Variants in EPG5 observed in about 807,000 individuals in gnomAD.
EPG5 encodes ectopic P-granules 5 autophagy tethering factor, also known as ectopic P granules protein 5 homolog.
EPG5 carries 159 observed loss-of-function variants against 302.7 expected under a neutral mutation model. The ratio of observed to expected loss-of-function variants is 0.53; its 90% CI spans 0.46 to 0.60. The LOEUF is 0.60. EPG5 is among the 20% of genes least tolerant of loss of function. The pLI, the probability that EPG5 is intolerant of heterozygous loss-of-function variation, is 0.00. For synonymous variants in EPG5, 1,158 were observed against 1,136.8 expected (o/e 1.02, Z -0.37); for missense variants, 2,896 against 3,092.4 (o/e 0.94, Z 1.51).
the EPG5 span, among the ~76,000 whole-genome samples, chr18:45,802,114 G>A: frequency 6.6e-6 from 1 of 152,128 alleles, no homozygotes; most frequent in South Asian, 2.1e-4. Context: ...TTGGTGGAGT[G>A]CTGATGTGAT....
chr18:45,835,999 A>G, the EPG5 span, among the ~76,000 whole-genome samples: 1 of 152,206 alleles, frequency 6.6e-6, no homozygotes, highest in Admixed American at 6.5e-5. Context: ...ACCAGAGAAC[A>G]ATGGCGGTCC....
In EPG5 at chr18:45,868,391, G is replaced by A. The variant is rs187007558; in HGVS notation, c.6226-643C>T. The stretch of plus-strand genomic sequence containing the variant: ...TCACTCTTGTTACCCAGATTGGAAC[G>A]CAATGGCACGATCTTGGCTCAACGC... On this transcript the variant is annotated intron_variant, in intron 36 of 43. Coordinates refer to ENST00000282041, the MANE Select transcript of EPG5 (RefSeq NM_020964.3). Among the ~76,000 whole-genome samples the A allele has an allele frequency of 1.7e-4, 25 of 148,306 alleles. No individual in the cohort carries two copies. In the East Asian group the frequency reaches 4.8e-3, roughly 28 times the overall value.
intron 31 of EPG5, among the ~76,000 whole-genome samples, chr18:45,880,974 A>G (rs1425263028): frequency 1.3e-5 from 2 of 152,164 alleles, no homozygotes; most frequent in Non-Finnish European, 2.9e-5. Context: ...CCCAAAATTA[A>G]GCTATCACTG....
Position 45,852,632 on chromosome 18 carries a change from T to C in EPG5, c.7575A>G (p.Glu2525=). 6.2e-7 allele frequency: 1 copy of C among 1,614,064 alleles called. No individual in the cohort carries two copies. Among genetic ancestry groups the C allele is most frequent in the East Asian group, 2.2e-5 (1 of 44,884 alleles). Residue 2525 remains glutamate (E), a synonymous_variant, in exon 44 of 44, where the codon GAA becomes GAG. Transcript: ENST00000282041. ...CATACTGCTTACTTGATGCCATGGA[T>C]TCAAGAGCATTCAGAGCCTAAAAGA... ...PKAQQALNAL[E]SMASSKQYVE...
intron 29 of EPG5, among the ~76,000 whole-genome samples, chr18:45,886,504 T>C (rs1351078198): frequency 6.6e-6 from 1 of 152,248 alleles, no homozygotes; most frequent in African/African-American, 2.4e-5. Flanking sequence ...TGTAGAAATA[T>C]GTTTACATAT....
At chr18:45,935,174 C>T (rs1275726571) in intron 10 of EPG5, among the ~76,000 whole-genome samples, 1 of 152,212 alleles carries the variant, frequency 6.6e-6, no homozygotes. Flanking sequence ...CTAACCACAA[C>T]AATGTGTGCA....
At chr18:45,821,827 A>G in the EPG5 span, among the ~76,000 whole-genome samples, 1 of 152,364 alleles carries the variant, frequency 6.6e-6, no homozygotes, top group East Asian at 1.9e-4. Flanking sequence ...AAAGGAAGAC[A>G]TACAAATGGC....
intron 22 of EPG5, 107 bp downstream of exon 22, chr18:45,912,183 C>A (rs2049920791): frequency 1.9e-6 from 2 of 1,067,474 alleles, no homozygotes; most frequent in Admixed American, 3.0e-5. Context: ...CCAGAGATCA[C>A]CAAAGAATGA....
chr18:45,801,671 C>A, the EPG5 span, among the ~76,000 whole-genome samples: 3 of 152,170 alleles, frequency 2.0e-5, no homozygotes, highest in Non-Finnish European at 4.4e-5. Context: ...CTTTCCCAGT[C>A]TTTAATCCCC....
intron 10 of EPG5, among the ~76,000 whole-genome samples, chr18:45,935,431 A>G (rs1395979023): frequency 6.6e-6 from 1 of 152,198 alleles, no homozygotes; most frequent in Non-Finnish European, 1.5e-5. Flanking sequence ...AATTCCAGCT[A>G]CTTGGGAGGC....
At chr18:45,815,290 A>G in the EPG5 span, among the ~76,000 whole-genome samples, 1 of 152,088 alleles carries the variant, frequency 6.6e-6, no homozygotes, top group Non-Finnish European at 1.5e-5. Flanking sequence ...AAAAGTATTT[A>G]TGACTATGAA....
chr18:45,913,651 A>G (rs1268215764), intron 21 of EPG5, 55 bp downstream of exon 21: 2 of 1,598,770 alleles, frequency 1.3e-6, no homozygotes, highest in African/African-American at 1.3e-5. Flanking sequence ...TGAATCCATC[A>G]GCATCAAAGT....
intron 35 of EPG5, among the ~76,000 whole-genome samples, chr18:45,871,287 TAGAG>T (rs1425913977): frequency 3.3e-5 from 5 of 152,206 alleles, no homozygotes; most frequent in African/African-American, 4.8e-5. Context: ...TAACAAGTGT[TAGAG>T]AGGATCTGGA....
the EPG5 span, among the ~76,000 whole-genome samples, chr18:45,809,766 G>T: frequency 6.6e-6 from 1 of 151,736 alleles, no homozygotes; most frequent in African/African-American, 2.4e-5. Flanking sequence ...CACATCAAAA[G>T]GTCTGAAAGA....
At chr18:45,935,661 T>C (rs981217852) in intron 10 of EPG5, among the ~76,000 whole-genome samples, 1 of 152,160 alleles carries the variant, frequency 6.6e-6, no homozygotes, top group African/African-American at 2.4e-5. Flanking sequence ...TGTGGATGTG[T>C]GTGTCTGAGC....
intron 42 of EPG5, 96 bp from the exon 43 acceptor site, chr18:45,855,783 A>G (rs2048504600): frequency 9.2e-6 from 7 of 760,078 alleles, no homozygotes; most frequent in South Asian, 4.7e-5. Flanking sequence ...AAAGATGAAC[A>G]CATTTCCAGA....
intron 17 of EPG5, 106 bp downstream of exon 17, chr18:45,917,573 T>C: frequency 7.1e-7 from 1 of 1,418,016 alleles, no homozygotes; most frequent in South Asian, 1.2e-5. Context: ...TAATACGCTG[T>C]TGAAATAGCA....
Position 45,916,146 on chromosome 18 carries a change from A to G in EPG5, c.3445T>C (p.Trp1149Arg), listed in dbSNP as rs754267694. The change falls in exon 19 of 44, where the codon TGG (tryptophan) becomes CGG (arginine). Residue 1149 changes from tryptophan to arginine, a missense_variant. Around this residue, in one of 5 missense-constraint regions of EPG5, gnomAD observed 1,390 missense variants for 1,430.0 expected, o/e 0.97. Coordinates refer to ENST00000282041, the MANE Select transcript of EPG5 (RefSeq NM_020964.3). ...EVGPVAVLEFWVQALISQHLW... is the reference protein window; with the variant it reads ...EVGPVAVLEFRVQALISQHLW... ...TGCTGGCTTATGAGAGCCTGAACCC[A>G]GAACTCCAACACAGCAACGGGGCCC... The G allele has an allele frequency of 6.2e-7, 1 of 1,614,168 alleles. No homozygotes were observed. The highest frequency in any genetic ancestry group is 1.1e-5 in the South Asian group (1 of 91,076).
intron 1 of EPG5, among the ~76,000 whole-genome samples, chr18:45,966,375 CAAAA>C (rs540209261): frequency 2.7e-5 from 2 of 73,066 alleles, no homozygotes; most frequent in African/African-American, 9.4e-5. Context: ...GACTCTGTCT[CAAAA>C]AAAAAAAAAA....
Sources: gnomAD v4.1 joint callset for allele counts (sites outside exome capture counted in the v4.1 genomes callset) on GRCh38, gnomAD v4.1.1 for gene constraint, gnomAD v4.1.1 regional missense constraint, MANE v1.5 for transcripts, NCBI Gene and HGNC (gene_info 2026-07-23, HGNC 2026-07-21) for gene names.